Variants in VMP1 observed in about 807,000 individuals in gnomAD.
The protein encoded by VMP1 is vacuole membrane protein 1.
In VMP1, 11 loss-of-function variants were observed where a neutral mutation model predicts 56.0. The ratio of observed to expected loss-of-function variants is 0.20; its 90% CI spans 0.12 to 0.32. The LOEUF (loss-of-function observed/expected upper bound fraction) is 0.32, where lower values mean the gene tolerates loss of function less well. Ranked by LOEUF, VMP1 falls within the 10% of genes least tolerant of loss-of-function variation. The pLI is 1.00. For synonymous variants in VMP1, 149 were observed against 165.0 expected, an observed-to-expected ratio of 0.90 and a Z score of 0.74; for missense variants, 296 against 490.3, an observed-to-expected ratio of 0.60 and a Z score of 3.74.
At chr17:59,769,482 C>T (rs1424950169) in intron 6 of VMP1, among the ~76,000 whole-genome samples, 3 of 152,062 alleles carry the variant, frequency 2.0e-5, no homozygotes, top group Admixed American at 6.5e-5. Flanking sequence ...TTTTCCCTAC[C>T]TCACCTGACA....
At chr17:59,727,627 G>A (rs1199060384) in intron 1 of VMP1, among the ~76,000 whole-genome samples, 3 of 152,072 alleles carry the variant, frequency 2.0e-5, no homozygotes, top group Admixed American at 1.3e-4. Flanking sequence ...GGAGACCCCC[G>A]AACTTTTAAA....
intron 10 of VMP1, among the ~76,000 whole-genome samples, chr17:59,822,653 T>C (rs1039299918): frequency 5.3e-5 from 8 of 152,092 alleles, no homozygotes; most frequent in Non-Finnish European, 1.0e-4. Context: ...AAGTGTTCAA[T>C]TGAAAATTAA....
intron 5 of VMP1, among the ~76,000 whole-genome samples, chr17:59,739,501 G>A (rs955794741): frequency 6.6e-6 from 1 of 152,082 alleles, no homozygotes; most frequent in Non-Finnish European, 1.5e-5. Flanking sequence ...AAGGCGGGCA[G>A]ATCATGAGGT....
intron 1 of VMP1, among the ~76,000 whole-genome samples, chr17:59,716,267 T>C (rs1473847433): frequency 6.6e-6 from 1 of 152,186 alleles, no homozygotes; most frequent in Non-Finnish European, 1.5e-5. Context: ...ACCCCAGTTA[T>C]ACAAGTGCAA....
chr17:59,731,467 T>C lies in VMP1; in HGVS notation c.21T>C (p.Asn7=), dbSNP rs377450004. The change falls in exon 2 of 12, where the codon AAT becomes AAC. Residue 7 remains asparagine (N), a synonymous_variant. Transcript: ENST00000262291. ...ATGAAATGGCAGAGAATGGAAAAAA[T>C]TGTGACCAGAGACGTGTAGCAATGA... The part of the protein sequence containing the change: MAENGK[N]CDQRRVAMNK... 3.8e-6 allele frequency: 6 copies of C among 1,591,836 alleles called. No homozygotes were observed. The highest frequency in any genetic ancestry group is 2.7e-5 in the African/African-American group (2 of 73,592).
At chr17:59,734,295 GA>G (rs1217089493) in intron 2 of VMP1, among the ~76,000 whole-genome samples, 1 of 152,092 alleles carries the variant, frequency 6.6e-6, no homozygotes, top group Non-Finnish European at 1.5e-5. Context: ...GTGGATATAG[GA>G]AAAAACACTG....
intron 5 of VMP1, among the ~76,000 whole-genome samples, chr17:59,759,903 G>GTTTTTGT (rs2035980744): frequency 1.0e-5 from 1 of 97,952 alleles, no homozygotes; most frequent in Non-Finnish European, 2.5e-5. Context: ...GTTTTTTGGT[G>GTTTTTGT]TTTTTTTTTT....
intron 5 of VMP1, among the ~76,000 whole-genome samples, chr17:59,747,486 C>T (rs1046312552): frequency 6.6e-6 from 1 of 151,200 alleles, no homozygotes; most frequent in Non-Finnish European, 1.5e-5. Context: ...CTCGGCTCGC[C>T]ACAACTTCTG....
At chr17:59,813,789 A>C (rs184996467) in intron 9 of VMP1, among the ~76,000 whole-genome samples, 3 of 152,186 alleles carry the variant, frequency 2.0e-5, no homozygotes, top group Admixed American at 2.0e-4. Context: ...CTAGTAATCC[A>C]TAAGTTTTAT....
At chr17:59,829,937 G>T (rs190839800) in intron 10 of VMP1, among the ~76,000 whole-genome samples, 22 of 152,266 alleles carry the variant, frequency 1.4e-4, no homozygotes, top group Admixed American at 8.5e-4. Flanking sequence ...GTGCTCCTGG[G>T]CCAAATCTCA....
chr17:59,808,668 A>T (rs2037932324), intron 7 of VMP1, 128 bp from the exon 8 acceptor site: 1 of 691,768 alleles, frequency 1.4e-6, no homozygotes, highest in Non-Finnish European at 2.4e-6. Flanking sequence ...ACCTACTGTA[A>T]TTTTTTTCAT....
At chr17:59,791,034 C>T (rs1025323456) in intron 7 of VMP1, among the ~76,000 whole-genome samples, 2 of 152,126 alleles carry the variant, frequency 1.3e-5, no homozygotes, top group Non-Finnish European at 2.9e-5. Context: ...ATCATAACTT[C>T]GCATGATGAA....
intron 1 of VMP1, chr17:59,729,604 T>G (rs567699737): frequency 6.6e-6 from 1 of 152,084 alleles, no homozygotes; most frequent in Non-Finnish European, 1.5e-5. Context: ...CCAAAGCAGC[T>G]GAACTCTTTT....
At chr17:59,777,857 AAAAC>A (rs1187827824) in intron 7 of VMP1, among the ~76,000 whole-genome samples, 1 of 150,730 alleles carries the variant, frequency 6.6e-6, no homozygotes, top group Admixed American at 6.6e-5. Flanking sequence ...ACAAAACAAA[AAAAC>A]AAATAAAGTG....
At chr17:59,721,038 A>C (rs1382794879) in intron 1 of VMP1, among the ~76,000 whole-genome samples, 1 of 146,828 alleles carries the variant, frequency 6.8e-6, no homozygotes, top group Non-Finnish European at 1.5e-5. Context: ...AGCAAAACAA[A>C]AACATGATAT....
At chr17:59,785,597 C>G (rs184985254) in intron 7 of VMP1, among the ~76,000 whole-genome samples, 1 of 148,820 alleles carries the variant, frequency 6.7e-6, no homozygotes, top group South Asian at 2.1e-4. Flanking sequence ...GGCTGAGGAA[C>G]GAGAATCGCT....
At chr17:59,807,847 A>AG (rs2037903447) in intron 7 of VMP1, among the ~76,000 whole-genome samples, 1 of 147,452 alleles carries the variant, frequency 6.8e-6, no homozygotes, top group South Asian at 2.1e-4. Flanking sequence ...AAAAAAAAAA[A>AG]AAAAGAAAGT....
chr17:59,741,735 G>A (rs768991301), intron 5 of VMP1, among the ~76,000 whole-genome samples: 2 of 152,040 alleles, frequency 1.3e-5, no homozygotes, highest in Non-Finnish European at 2.9e-5. Context: ...CCATTTTTAC[G>A]TTTTTACTCC....
rs904636232 is a variant in VMP1, at chr17:59,840,880, T to TA, written c.*978dup. The TA allele has an allele frequency of 2.9e-4, 44 of 153,742 alleles. No individual in the cohort carries two copies. The highest frequency in any genetic ancestry group is 9.5e-4 in the East Asian group (5 of 5,282). The allele number at this position is 153,742 out of a possible 1,614,324, so 9.5% of individuals were successfully genotyped here. The stretch of plus-strand genomic sequence containing the variant: ...ACTGGAGAGAGAAATTACCCATTTC[T>TA]AAAAAAAAACCACACTCTGTCGTAT... On this transcript the variant is annotated 3_prime_UTR_variant, in exon 12 of 12. Coordinates refer to ENST00000262291, the MANE Select transcript of VMP1 (RefSeq NM_030938.5).
Sources: allele counts gnomAD v4.1 joint callset (sites outside exome capture counted in the v4.1 genomes callset), GRCh38; gene constraint gnomAD v4.1.1; transcripts MANE v1.5; gene names NCBI Gene and HGNC (gene_info 2026-07-23, HGNC 2026-07-21).